Variants in IMMP2L observed in about 807,000 individuals in gnomAD.
IMMP2L encodes the protein mitochondrial inner membrane protease subunit 2.
IMMP2L carries 18 observed loss-of-function variants against 19.3 expected under a neutral mutation model. The ratio of observed to expected loss-of-function variants is 0.93; its 90% CI spans 0.64 to 1.38. The LOEUF is 1.38. IMMP2L is among the 40% of genes most tolerant of loss of function. The pLI is 0.00. For synonymous variants in IMMP2L, 76 were observed against 73.0 expected (o/e 1.04, Z -0.21); for missense variants, 233 against 218.2 (o/e 1.07, Z -0.43).
At chr7:111,374,981 T>C (rs546664336) in intron 3 of IMMP2L, among the ~76,000 whole-genome samples, 2 of 152,228 alleles carry the variant, frequency 1.3e-5, no homozygotes, top group South Asian at 4.1e-4. Context: ...GACTTGAATA[T>C]TTTTGGTAAA....
intron 2 of IMMP2L, among the ~76,000 whole-genome samples, chr7:111,496,084 A>G (rs1843566429): frequency 6.6e-6 from 1 of 152,196 alleles, no homozygotes; most frequent in South Asian, 2.1e-4. Context: ...AGCACTGGCC[A>G]AGAAGCATGA....
intron 4 of IMMP2L, among the ~76,000 whole-genome samples, chr7:110,937,361 C>T (rs1289977622): frequency 6.6e-6 from 1 of 152,080 alleles, no homozygotes; most frequent in African/African-American, 2.4e-5. Context: ...GGGCGTGGGC[C>T]ACTGGGTTTA....
intron 3 of IMMP2L, among the ~76,000 whole-genome samples, chr7:111,179,991 C>T (rs879844462): frequency 6.6e-6 from 1 of 151,820 alleles, no homozygotes; most frequent in African/African-American, 2.4e-5. Context: ...AGAGTTAGGG[C>T]TTTGCTGTGG....
intron 3 of IMMP2L, among the ~76,000 whole-genome samples, chr7:111,115,287 A>G (rs1342012005): frequency 6.6e-6 from 1 of 151,622 alleles, no homozygotes; most frequent in East Asian, 1.9e-4. Context: ...AAGCATCAAG[A>G]GACAAGTTAT....
intron 3 of IMMP2L, among the ~76,000 whole-genome samples, chr7:111,334,395 T>C (rs181859293): frequency 1.8e-4 from 27 of 152,194 alleles, no homozygotes; most frequent in Admixed American, 1.4e-3. Context: ...TGATAGGATT[T>C]CATTCTTTTT....
intron 3 of IMMP2L, among the ~76,000 whole-genome samples, chr7:111,276,379 G>A (rs1207600720): frequency 1.3e-5 from 2 of 151,968 alleles, no homozygotes; most frequent in Non-Finnish European, 2.9e-5. Context: ...TGTGTCTATG[G>A]TCATCAGAGA....
intron 3 of IMMP2L, among the ~76,000 whole-genome samples, chr7:111,329,360 G>T (rs557931064): frequency 6.6e-6 from 1 of 151,974 alleles, no homozygotes; most frequent in Admixed American, 6.6e-5. Context: ...CAAAGTACTT[G>T]TAAATATAAA....
intron 3 of IMMP2L, among the ~76,000 whole-genome samples, chr7:111,412,685 T>C (rs1437461610): frequency 6.6e-6 from 1 of 151,838 alleles, no homozygotes; most frequent in African/African-American, 2.4e-5. Context: ...TAGGGAGTTT[T>C]TAAAAATCCC....
At chr7:110,965,759 T>C (rs1563118307) in intron 3 of IMMP2L, among the ~76,000 whole-genome samples, 1 of 151,954 alleles carries the variant, frequency 6.6e-6, no homozygotes, top group African/African-American at 2.4e-5. Context: ...ATAATGGATA[T>C]TAAAACACTT....
At chr7:111,164,220 A>G (rs1176111835) in intron 3 of IMMP2L, among the ~76,000 whole-genome samples, 1 of 151,930 alleles carries the variant, frequency 6.6e-6, no homozygotes, top group Non-Finnish European at 1.5e-5. Context: ...AGACAGGCCA[A>G]TTGGCCAACT....
At position 111,291,702 on chromosome 7, in the gene IMMP2L, T is replaced by C. The variant is rs141487844; in HGVS notation, c.239+195536A>G. On this transcript the variant is annotated intron_variant, in intron 3 of 5. Coordinates refer to ENST00000405709, the MANE Select transcript of IMMP2L (RefSeq NM_032549.4). ...ATCTGATGCAAAATGGTGACTATAA[T>C]AAATAATAATGCATTGCATATTTCA... Among the ~76,000 whole-genome samples, 11 of 152,204 alleles carry C rather than the reference T, an allele frequency of 7.2e-5. No individual in the cohort carries two copies. The East Asian group carries it at 2.1e-3, about 29-fold the overall frequency.
At chr7:111,120,585 T>C (rs1182252748) in intron 3 of IMMP2L, among the ~76,000 whole-genome samples, 4 of 152,118 alleles carry the variant, frequency 2.6e-5, no homozygotes, top group Non-Finnish European at 5.9e-5. Flanking sequence ...TGTTTTTTCA[T>C]TGTTAGTAAT....
intron 3 of IMMP2L, among the ~76,000 whole-genome samples, chr7:111,400,593 A>T (rs914174785): frequency 1.3e-5 from 2 of 152,130 alleles, no homozygotes; most frequent in Admixed American, 1.3e-4. Flanking sequence ...TCTATGGATC[A>T]GCCATCTATA....
chr7:111,268,574 T>C (rs1185364338), intron 3 of IMMP2L, among the ~76,000 whole-genome samples: 4 of 23,048 alleles, frequency 1.7e-4, no homozygotes, highest in African/African-American at 5.2e-4. Context: ...TTTCTCTTTT[T>C]TTTTTTTTTT....
At chr7:111,119,062 T>A (rs1378504104) in intron 3 of IMMP2L, among the ~76,000 whole-genome samples, 2 of 152,188 alleles carry the variant, frequency 1.3e-5, no homozygotes, top group Non-Finnish European at 2.9e-5. Context: ...GAATGCCTCA[T>A]CTTTAATATT....
At chr7:110,676,191 T>C (rs1792284287) in intron 5 of IMMP2L, among the ~76,000 whole-genome samples, 1 of 152,244 alleles carries the variant, frequency 6.6e-6, no homozygotes, top group Admixed American at 6.5e-5. Flanking sequence ...ATAATTTATG[T>C]TTCCATCTCT....
chr7:111,283,539 G>GTACC (rs1353825322), intron 3 of IMMP2L, among the ~76,000 whole-genome samples: 5 of 152,140 alleles, frequency 3.3e-5, no homozygotes, highest in African/African-American at 1.2e-4. Context: ...CTAGCATGTA[G>GTACC]GGTATGTGGT....
At chr7:111,021,147 A>G (rs912876293) in intron 3 of IMMP2L, among the ~76,000 whole-genome samples, 1 of 152,216 alleles carries the variant, frequency 6.6e-6, no homozygotes, top group Admixed American at 6.5e-5. Flanking sequence ...ACAATACACT[A>G]TTCCTTATAC....
At chr7:110,882,257 A>C (rs1032651039) in intron 5 of IMMP2L, among the ~76,000 whole-genome samples, 1 of 149,214 alleles carries the variant, frequency 6.7e-6, no homozygotes, top group Non-Finnish European at 1.5e-5. Flanking sequence ...ATTTCCCAAA[A>C]CTCAGTCCCA....
Sources: allele counts gnomAD v4.1 joint callset (sites outside exome capture counted in the v4.1 genomes callset), GRCh38; gene constraint gnomAD v4.1.1; transcripts MANE v1.5; gene names NCBI Gene and HGNC (gene_info 2026-07-23, HGNC 2026-07-21).